Variants in ERVH48-1 observed in about 807,000 individuals in gnomAD.
The protein encoded by ERVH48-1 is suppressyn.
ERVH48-1 carries 4 observed loss-of-function variants against 2.4 expected under a neutral mutation model. That is an observed-to-expected ratio of 1.68 (90% CI 0.83 to 3.84). The LOEUF is 3.84. ERVH48-1 is among the 30% of genes most tolerant of loss of function. ERVH48-1 has a pLI of 0.01. For synonymous variants in ERVH48-1, 32 were observed against 15.5 expected (o/e 2.06, Z -2.49); for missense variants, 97 against 43.4 (o/e 2.23, Z -3.47).
chr21:42,922,134 A>G, intron 1 of ERVH48-1, among the ~76,000 whole-genome samples: 1 of 152,072 alleles, frequency 6.6e-6, no homozygotes, highest in East Asian at 1.9e-4. Context: ...AGAGCTGCTT[A>G]GGGGATTGGA....
At chr21:42,922,432 G>A (rs1000496588) in intron 1 of ERVH48-1, among the ~76,000 whole-genome samples, 8 of 151,956 alleles carry the variant, frequency 5.3e-5, no homozygotes, top group African/African-American at 1.9e-4. Context: ...TTGGGCATGA[G>A]GGCAGGACTA....
chr21:42,920,875 A>C (rs2058803644), intron 1 of ERVH48-1, among the ~76,000 whole-genome samples: 1 of 152,102 alleles, frequency 6.6e-6, no homozygotes, highest in Admixed American at 6.6e-5. Context: ...GCTGGTTAGC[A>C]CGGTGATTTG....
Position 42,918,281 on chromosome 21 carries a change from C to T in ERVH48-1, c.*243G>A. 3.0e-6 allele frequency: 1 copy of T among 335,382 alleles called. No individual in the cohort carries two copies. Among genetic ancestry groups the T allele is most frequent in the Non-Finnish European group, 5.8e-6 (1 of 172,470 alleles). 20.8% of individuals were successfully genotyped at this position (335,382 alleles called of 1,614,324 possible). A position where few individuals can be genotyped will look rare whatever the true frequency, so the allele number is the denominator to read the frequency against. ...TTTATCAGTCCACTTGCGGGATATG[C>T]ACACCGTCCCTCATACTGGGTTGGT... On this transcript the variant is annotated 3_prime_UTR_variant, in exon 2 of 2. Transcript: ENST00000447535.
At position 42,918,424 on chromosome 21, in the gene ERVH48-1, C is replaced by T. The variant is rs2058795341; in HGVS notation, c.*100G>A. On this transcript the variant is annotated 3_prime_UTR_variant, in exon 2 of 2. Coordinates refer to ENST00000447535, the MANE Select transcript of ERVH48-1 (RefSeq NM_001308491.2). ...ACAGCCACTGTTCACTCATAAAGCT[C>T]CCCCGCATACCCAACAATTGGACAC... 8.0e-6 allele frequency: 3 copies of T among 376,626 alleles called. No individual in the cohort carries two copies. Among genetic ancestry groups the T allele is most frequent in the South Asian group, 6.1e-5 (3 of 49,558 alleles). The allele number at this position is 376,626 out of a possible 1,614,324, so 23.3% of individuals were successfully genotyped here.
intron 1 of ERVH48-1, among the ~76,000 whole-genome samples, chr21:42,923,060 G>A (rs1215741041): frequency 6.6e-6 from 1 of 152,204 alleles, no homozygotes; most frequent in Non-Finnish European, 1.5e-5. Context: ...GTAGGTTTTG[G>A]CCGGCTCAGG....
chr21:42,921,999 C>G (rs1461978594), intron 1 of ERVH48-1, among the ~76,000 whole-genome samples: 1 of 152,126 alleles, frequency 6.6e-6, no homozygotes, highest in Non-Finnish European at 1.5e-5. Context: ...AGCCTGAAGT[C>G]CTGGACTAAG....
chr21:42,921,749 C>G (rs977943612), intron 1 of ERVH48-1, among the ~76,000 whole-genome samples: 1 of 150,634 alleles, frequency 6.6e-6, no homozygotes, highest in South Asian at 2.1e-4. Context: ...ATGTGAAAGG[C>G]GGGTGCTGTC....
chr21:42,925,071 G>A (rs1183561225), intron 1 of ERVH48-1, among the ~76,000 whole-genome samples: 1 of 151,836 alleles, frequency 6.6e-6, no homozygotes, highest in Non-Finnish European at 1.5e-5. Context: ...TCAGCCTCCC[G>A]AGTAGCTGGG....
rs551735752 is a variant in ERVH48-1 at position 42,924,827 on chromosome 21, G to A, written c.-286+519C>T. 4.6e-5 allele frequency among the ~76,000 whole-genome samples: 7 copies of A among 152,276 alleles called. No homozygotes were observed. In the South Asian group the frequency reaches 1.0e-3, roughly 23 times the overall value. On this transcript the variant is annotated intron_variant, in intron 1 of 1. Coordinates refer to ENST00000447535, the MANE Select transcript of ERVH48-1 (RefSeq NM_001308491.2). Reference sequence around the variant, plus strand: ...GAAAAGCAGACCGTCCTGGACAGCCGGAGGGAGACGATAAAAGGAGCGTTT... The same window carrying A: ...GAAAAGCAGACCGTCCTGGACAGCCAGAGGGAGACGATAAAAGGAGCGTTT...
chr21:42,925,478 A>C lies in ERVH48-1; in HGVS notation c.-418T>G. On this transcript the variant is annotated 5_prime_UTR_variant, in exon 1 of 2. Coordinates refer to ENST00000447535, the MANE Select transcript of ERVH48-1 (RefSeq NM_001308491.2). Reference sequence around the variant, plus strand: ...TAGGTCCACTGGGGACGTGGACGGAAGCCCCTCGCAGGTTTCAGGGCCAGC... The same window carrying C: ...TAGGTCCACTGGGGACGTGGACGGACGCCCCTCGCAGGTTTCAGGGCCAGC... 1 of 373,282 alleles carries C rather than the reference A, an allele frequency of 2.7e-6. No individual in the cohort carries two copies. The highest frequency in any genetic ancestry group is 4.9e-6 in the Non-Finnish European group (1 of 202,324). The allele number at this position is 373,282 out of a possible 1,614,324, so 23.1% of individuals were successfully genotyped here.
Position 42,918,255 on chromosome 21 carries a change from T to G in ERVH48-1, c.*269A>C. 1 of 310,202 alleles carries G rather than the reference T, an allele frequency of 3.2e-6. No individual in the cohort carries two copies. 19.2% of individuals were successfully genotyped at this position (310,202 alleles called of 1,614,324 possible). On this transcript the variant is annotated 3_prime_UTR_variant, in exon 2 of 2. Coordinates refer to ENST00000447535, the MANE Select transcript of ERVH48-1 (RefSeq NM_001308491.2). ...GGGTTTTCACCTACGGCGCGATGGG[T>G]TTTATCAGTCCACTTGCGGGATATG...
intron 1 of ERVH48-1, among the ~76,000 whole-genome samples, chr21:42,922,687 C>T (rs1273290434): frequency 7.6e-6 from 1 of 131,392 alleles, no homozygotes; most frequent in African/African-American, 2.9e-5. Context: ...TTGCAGTGAG[C>T]GGAGATTGCG....
In ERVH48-1 at chr21:42,918,328, T is replaced by C. The variant is rs142502941; in HGVS notation, c.*196A>G. ...TGGTAAGTGTCCAGGACTGCGGGCA[T>C]TCCTGAGGAGTGAAAGTGAGTCTGG... On this transcript the variant is annotated 3_prime_UTR_variant, in exon 2 of 2. Transcript: ENST00000447535. The C allele has an allele frequency of 5.3e-5, 19 of 358,370 alleles. No homozygotes were observed. The highest frequency in any genetic ancestry group is 1.0e-4 in the Non-Finnish European group (19 of 183,592). The allele number at this position is 358,370 out of a possible 1,614,324, so 22.2% of individuals were successfully genotyped here.
rs2058790067 is a variant in ERVH48-1, at chr21:42,916,830, C to G, written c.*1694G>C. 2 of 186,648 alleles carry G rather than the reference C, an allele frequency of 1.1e-5. No homozygotes were observed. The highest frequency in any genetic ancestry group is 1.3e-4 in the Admixed American group (2 of 15,698). 11.6% of individuals were successfully genotyped at this position (186,648 alleles called of 1,614,324 possible). A position where few individuals can be genotyped will look rare whatever the true frequency, so the allele number is the denominator to read the frequency against. The stretch of plus-strand genomic sequence containing the variant: ...GAGCAACATGCTGTTTTAATGAGCG[C>G]CTGCATGCAGACAGGCTGAGGCCTA... On this transcript the variant is annotated 3_prime_UTR_variant, in exon 2 of 2. Coordinates refer to ENST00000447535, the MANE Select transcript of ERVH48-1 (RefSeq NM_001308491.2).
chr21:42,922,323 G>A (rs1296374138), intron 1 of ERVH48-1, among the ~76,000 whole-genome samples: 1 of 152,040 alleles, frequency 6.6e-6, no homozygotes, highest in Non-Finnish European at 1.5e-5. Context: ...AAAGTTAGAA[G>A]CCCTGGAGGG....
rs2058796734 is a variant in ERVH48-1, at chr21:42,918,803, T to C, written c.204A>G (p.Glu68=). The C allele has an allele frequency of 2.2e-6, 1 of 456,610 alleles. No homozygotes were observed. Among genetic ancestry groups the C allele is most frequent in the Admixed American group, 2.3e-5 (1 of 42,568 alleles). 28.3% of individuals were successfully genotyped at this position (456,610 alleles called of 1,614,324 possible). A position where few individuals can be genotyped will look rare whatever the true frequency, so the allele number is the denominator to read the frequency against. ...CGATTAAGTTTCCATAACAGGATCT[T>C]TCTATATGAGTATGGTAAGTAAAGT... ...QQYFTYHTHI[E]RSCYGNLIEE... Residue 68 remains glutamate (E), a synonymous_variant, in exon 2 of 2, where the codon GAA becomes GAG. Transcript: ENST00000447535.
rs185488720 is a variant in ERVH48-1, at chr21:42,918,381, G to A, written c.*143C>T. The A allele has an allele frequency of 3.0e-4, 108 of 362,612 alleles. No individual in the cohort carries two copies. The highest frequency in any genetic ancestry group is 2.1e-3 in the African/African-American group (99 of 46,924). 22.5% of individuals were successfully genotyped at this position (362,612 alleles called of 1,614,324 possible). A position where few individuals can be genotyped will look rare whatever the true frequency, so the allele number is the denominator to read the frequency against. ...TTTTGGGATGCCTGTAAGTAAGGGG[G>A]AATGTCTATCCCGTCCCACAGCCAC... On this transcript the variant is annotated 3_prime_UTR_variant, in exon 2 of 2. Transcript: ENST00000447535.
rs974771992 is a variant in ERVH48-1, at chr21:42,919,141, G to C, written c.-135C>G. ...TGTTTTGGAGGAAGAAGCTGCCTTG[G>C]GGGTGAGCTTGACCCTGGTGCGATG... On this transcript the variant is annotated 5_prime_UTR_variant, in exon 2 of 2. Transcript: ENST00000447535. The C allele has an allele frequency of 8.9e-7, 1 of 1,118,722 alleles. No individual in the cohort carries two copies. The highest frequency in any genetic ancestry group is 1.1e-6 in the Non-Finnish European group (1 of 876,708). The allele number at this position is 1,118,722 out of a possible 1,614,324, so 69.3% of individuals were successfully genotyped here.
chr21:42,919,268 T>A lies in ERVH48-1; in HGVS notation c.-262A>T. Reference sequence around the variant, plus strand: ...GGTGGTAGCTTTTTGTGAGGGTCAGTTTGGCCGATAAACACGTCTGTGCCT... The same window carrying A: ...GGTGGTAGCTTTTTGTGAGGGTCAGATTGGCCGATAAACACGTCTGTGCCT... On this transcript the variant is annotated 5_prime_UTR_variant, in exon 2 of 2. Transcript: ENST00000447535. 3.8e-6 allele frequency: 1 copy of A among 263,252 alleles called. No homozygotes were observed. The highest frequency in any genetic ancestry group is 4.5e-5 in the South Asian group (1 of 22,240). The allele number at this position is 263,252 out of a possible 1,614,324, so 16.3% of individuals were successfully genotyped here.
Sources: gnomAD v4.1 joint callset for allele counts (sites outside exome capture counted in the v4.1 genomes callset) on GRCh38, gnomAD v4.1.1 for gene constraint, MANE v1.5 for transcripts, NCBI Gene and HGNC (gene_info 2026-07-23, HGNC 2026-07-21) for gene names.